Variants in SEPTIN9 observed in about 807,000 individuals in gnomAD.
SEPTIN9 encodes the protein septin 9.
In SEPTIN9, 13 loss-of-function variants were observed where a neutral mutation model predicts 56.6. The ratio of observed to expected loss-of-function variants is 0.23; its 90% CI spans 0.15 to 0.37. SEPTIN9 has a LOEUF of 0.37. SEPTIN9 is among the 10% of genes least tolerant of loss of function. The pLI is 1.00. For synonymous variants in SEPTIN9, 332 were observed against 334.1 expected (o/e 0.99, Z 0.07); for missense variants, 650 against 823.1 (o/e 0.79, Z 2.57).
chr17:77,426,335 G>GC (rs950444227), intron 3 of SEPTIN9, among the ~76,000 whole-genome samples: 7 of 151,946 alleles, frequency 4.6e-5, no homozygotes, highest in African/African-American at 7.3e-5. Context: ...TGTAAAGGGT[G>GC]CCCCCCCGAG....
Position 77,445,743 on chromosome 17 carries a change from G to C in SEPTIN9, c.722-36401G>C. The C allele has an allele frequency of 3.5e-6, 1 of 288,918 alleles. No individual in the cohort carries two copies. The highest frequency in any genetic ancestry group is 7.3e-6 in the Non-Finnish European group (1 of 137,560). The allele number at this position is 288,918 out of a possible 1,614,324, so 17.9% of individuals were successfully genotyped here. On this transcript the variant is annotated intron_variant, in intron 3 of 11. Transcript: ENST00000427177. This position sits in a 1 kb window ranked among gnomAD's most constrained non-coding sequence, Gnocchi z 4.7. ...CTGTCCCCTGTGGCTTCCAGAGTGG[G>C]ACCTTGCTGTGGGATAGGCTGGCCA...
rs1249144044 is a variant in SEPTIN9 at position 77,449,353 on chromosome 17, G to A, written c.722-32791G>A. ...GTGACAGCAAGAGGAACCACTGCAA[G>A]AGGGGCGGCCACCTCAGCAAAGCAC... On this transcript the variant is annotated intron_variant, in intron 3 of 11. Transcript: ENST00000427177. The surrounding 1 kb of genome is among the most constrained non-coding windows in gnomAD (Gnocchi z 4.6). Among the ~76,000 whole-genome samples the A allele has an allele frequency of 6.6e-6, 1 of 152,180 alleles. No homozygotes were observed. The highest frequency in any genetic ancestry group is 1.9e-4 in the East Asian group (1 of 5,200).
At chr17:77,474,526 G>C (rs2039131529) in intron 3 of SEPTIN9, among the ~76,000 whole-genome samples, 1 of 152,220 alleles carries the variant, frequency 6.6e-6, no homozygotes. Flanking sequence ...TCTGCCTCCA[G>C]CTCCCTGGGG....
Position 77,498,780 on chromosome 17 carries a change from C to T in SEPTIN9, c.*122C>T, listed in dbSNP as rs566108527. 1.1e-5 allele frequency: 7 copies of T among 649,454 alleles called. No homozygotes were observed. Among genetic ancestry groups the T allele is most frequent in the African/African-American group, 3.7e-5 (2 of 53,658 alleles). The allele number at this position is 649,454 out of a possible 1,614,324, so 40.2% of individuals were successfully genotyped here. ...CATTTGTCATCGTTCCCCACCCCTT[C>T]GACATGCTGCCAGGAAACAAGGGAA... On this transcript the variant is annotated 3_prime_UTR_variant, in exon 12 of 12. Transcript: ENST00000427177.
At chr17:77,322,572 C>T (rs969416008) in intron 2 of SEPTIN9, 1 of 152,262 alleles carries the variant, frequency 6.6e-6, no homozygotes, top group African/African-American at 2.4e-5. Flanking sequence ...CACTGAACTC[C>T]CGCACAGTCC....
chr17:77,312,408 C>T (rs2032536722), intron 2 of SEPTIN9, among the ~76,000 whole-genome samples: 1 of 152,216 alleles, frequency 6.6e-6, no homozygotes, highest in East Asian at 1.9e-4. Context: ...TGCTTCTGCG[C>T]TCCTGGCTCT....
rs963092966 is a variant in SEPTIN9 at position 77,449,531 on chromosome 17, C to T, written c.722-32613C>T. On this transcript the variant is annotated intron_variant, in intron 3 of 11. Transcript: ENST00000427177. This position sits in a 1 kb window ranked among gnomAD's most constrained non-coding sequence, Gnocchi z 4.6. ...GGCCAGAGGCAAAGAGAAGAAGGTT[C>T]GGAGAGGAGGGCCAAGGAAGAAGGG... Among the ~76,000 whole-genome samples the T allele has an allele frequency of 3.9e-5, 6 of 152,086 alleles. No homozygotes were observed. The highest frequency in any genetic ancestry group is 8.8e-5 in the Non-Finnish European group (6 of 68,008).
At chr17:77,372,740 G>T (rs1331218955) in intron 2 of SEPTIN9, among the ~76,000 whole-genome samples, 2 of 151,790 alleles carry the variant, frequency 1.3e-5, no homozygotes, top group Non-Finnish European at 2.9e-5. Flanking sequence ...CGTGGTGGGG[G>T]TGTTAGCTGC....
In SEPTIN9 at chr17:77,500,358, C is replaced by G. The variant is rs1223814528; in HGVS notation, c.*1700C>G. On this transcript the variant is annotated 3_prime_UTR_variant, in exon 12 of 12. Transcript: ENST00000427177. ...CCAGGGCCCAGGCCATGTGGCCTGCCCAGCCTCAATGTCACTTGGTGGCGG... is the reference window on the plus strand; with the variant it reads ...CCAGGGCCCAGGCCATGTGGCCTGCGCAGCCTCAATGTCACTTGGTGGCGG... 4.4e-6 allele frequency: 1 copy of G among 225,174 alleles called. No individual in the cohort carries two copies. Among genetic ancestry groups the G allele is most frequent in the Non-Finnish European group, 8.9e-6 (1 of 112,896 alleles). 13.9% of individuals were successfully genotyped at this position (225,174 alleles called of 1,614,324 possible).
intron 3 of SEPTIN9, among the ~76,000 whole-genome samples, chr17:77,480,491 C>T (rs1435800748): frequency 6.6e-6 from 1 of 152,264 alleles, no homozygotes; most frequent in Non-Finnish European, 1.5e-5. Context: ...GGCAGTTGAA[C>T]TGAAGTCTCC....
In SEPTIN9 at chr17:77,402,416, C is replaced by T. The variant is rs34587622; in HGVS notation, c.434C>T (p.Pro145Leu). The T allele has an allele frequency of 0.1, 161,874 of 1,610,262 alleles. 9,038 individuals are homozygous for T. The highest frequency in any genetic ancestry group is 0.13 in the Middle Eastern group (814 of 6,054). The change falls in exon 3 of 12, where the codon CCG becomes CTG. Residue 145 changes from proline to leucine, a missense_variant. Pro to Leu is a moderately conservative substitution (Grantham distance 98). Around this residue, in one of 2 missense-constraint regions of SEPTIN9, gnomAD observed 317 missense variants for 329.1 expected, o/e 0.96. Coordinates refer to ENST00000427177, the MANE Select transcript of SEPTIN9 (RefSeq NM_001113491.2). The surrounding 1 kb of genome is among the most constrained non-coding windows in gnomAD (Gnocchi z 6.6). The stretch of plus-strand genomic sequence containing the variant: ...GTGTTGGGCCACAAGACGCCAGAAC[C>T]GGCCCCTCGGAGGACGGAGATCACC... Reference protein sequence around the residue: ...AEVLGHKTPEPAPRRTEITIV... With the variant: ...AEVLGHKTPELAPRRTEITIV...
At chr17:77,370,636 A>G (rs2143898194) in intron 2 of SEPTIN9, among the ~76,000 whole-genome samples, 1 of 152,242 alleles carries the variant, frequency 6.6e-6, no homozygotes, top group South Asian at 2.1e-4. Context: ...GGAAGAATGC[A>G]CCTTGCTGGA....
rs978898161 is a variant in SEPTIN9, at chr17:77,436,122, C to A, written c.721+33419C>A. 6.6e-6 allele frequency among the ~76,000 whole-genome samples: 1 copy of A among 152,130 alleles called. No individual in the cohort carries two copies. The highest frequency in any genetic ancestry group is 1.5e-5 in the Non-Finnish European group (1 of 68,018). On this transcript the variant is annotated intron_variant, in intron 3 of 11. Transcript: ENST00000427177. This position sits in a 1 kb window ranked among gnomAD's most constrained non-coding sequence, Gnocchi z 4.4. ...GCTCGGCGGCTGCCTTTCCACCCTGCGGGCCTGGTTGGGGAGTGTGAGGAT... is the reference window on the plus strand; with the variant it reads ...GCTCGGCGGCTGCCTTTCCACCCTGAGGGCCTGGTTGGGGAGTGTGAGGAT...
chr17:77,378,936 G>C (rs1003311100), intron 2 of SEPTIN9, among the ~76,000 whole-genome samples: 1 of 151,848 alleles, frequency 6.6e-6, no homozygotes. Flanking sequence ...CTGGATGACC[G>C]GACCATGAGG....
chr17:77,427,702 C>G (rs1033836884), intron 3 of SEPTIN9, among the ~76,000 whole-genome samples: 5 of 152,184 alleles, frequency 3.3e-5, no homozygotes, highest in African/African-American at 1.2e-4. Flanking sequence ...CACTCTGTGC[C>G]TGCCTGCAGG....
chr17:77,481,651 G>A (rs58886513), intron 3 of SEPTIN9, among the ~76,000 whole-genome samples: 3,087 of 151,082 alleles, frequency 0.02, 100 homozygotes, highest in African/African-American at 0.067. Flanking sequence ...CTCGTGGATC[G>A]GCTTCTAAGG....
chr17:77,302,441 A>C (rs1298568876), intron 1 of SEPTIN9, among the ~76,000 whole-genome samples: 1 of 152,114 alleles, frequency 6.6e-6, no homozygotes, highest in East Asian at 1.9e-4. Context: ...GCACTTTGGG[A>C]GGCCAAGGTG....
rs1411066500 is a variant in SEPTIN9 at position 77,485,891 on chromosome 17, T to A, written c.914-1533T>A. On this transcript the variant is annotated intron_variant, in intron 4 of 11. Transcript: ENST00000427177. ...GGTCTCATTGTTGCCCAGGCTGGAG[T>A]GCAGTGGCATGGTCTTGACTCACTG... Among the ~76,000 whole-genome samples, 121 of 152,076 alleles carry A rather than the reference T, an allele frequency of 8.0e-4. 2 individuals carry two copies. Among genetic ancestry groups the A allele is most frequent in the Non-Finnish European group, 2.9e-5 (2 of 68,008 alleles).
At position 77,318,411 on chromosome 17, in the gene SEPTIN9, G is replaced by C. The variant is rs1326234881; in HGVS notation, c.76+11214G>C. Among the ~76,000 whole-genome samples the C allele has an allele frequency of 6.6e-6, 1 of 152,030 alleles. No homozygotes were observed. The highest frequency in any genetic ancestry group is 6.6e-5 in the Admixed American group (1 of 15,252). On this transcript the variant is annotated intron_variant, in intron 2 of 11. Transcript: ENST00000427177. The surrounding 1 kb of genome is among the most constrained non-coding windows in gnomAD (Gnocchi z 4.9). ...ATCCAGGGTGCTCTCGCCACAGCAA[G>C]ATCTGCAACTGAATCACAGATGCAA...
Sources: allele counts gnomAD v4.1 joint callset (sites outside exome capture counted in the v4.1 genomes callset), GRCh38; gene constraint gnomAD v4.1.1; regional missense constraint gnomAD v4.1.1; non-coding constraint Gnocchi (gnomAD v3.1); transcripts MANE v1.5; gene names NCBI Gene and HGNC (gene_info 2026-07-23, HGNC 2026-07-21).